The following TTC23L variants were observed in gnomAD, a reference collection of about 807,000 sequenced individuals.
TTC23L encodes tetratricopeptide repeat protein 23-like.
In TTC23L, 42 loss-of-function variants were observed where a neutral mutation model predicts 48.1. That is an observed-to-expected ratio of 0.87 (90% CI 0.68 to 1.13). The LOEUF (loss-of-function observed/expected upper bound fraction) is 1.13. Ranked by LOEUF, TTC23L falls within the 50% of genes most tolerant of loss-of-function variation. The pLI, the probability that TTC23L is intolerant of heterozygous loss-of-function variation, is 0.00. For missense variants in TTC23L, 391 were observed against 421.0 expected (o/e 0.93, Z 0.62); for synonymous variants, 159 against 157.2 (o/e 1.01, Z -0.09).
downstream of TTC23L, among the ~76,000 whole-genome samples, chr5:34,903,320 G>A (rs958062101): frequency 1.3e-5 from 2 of 152,054 alleles, no homozygotes; most frequent in African/African-American, 4.8e-5. Flanking sequence ...TTTTCCCAAA[G>A]GCATTTTTAG....
downstream of TTC23L, among the ~76,000 whole-genome samples, chr5:34,901,937 T>C (rs1763520573): frequency 6.6e-6 from 1 of 152,222 alleles, no homozygotes; most frequent in African/African-American, 2.4e-5. Flanking sequence ...AACAGAATAC[T>C]CACTGTGGTT....
In TTC23L at chr5:34,863,608, G is replaced by A. The variant is rs2150398280; in HGVS notation, c.536+554G>A. Among the ~76,000 whole-genome samples, 1 of 152,242 alleles carries A rather than the reference G, an allele frequency of 6.6e-6. No individual in the cohort carries two copies. The highest frequency in any genetic ancestry group is 2.1e-4 in the South Asian group (1 of 4,820). On this transcript the variant is annotated intron_variant, in intron 5 of 10. Coordinates refer to ENST00000505624, the Ensembl canonical transcript of TTC23L. The surrounding 1 kb of genome is among the most constrained non-coding windows in gnomAD (Gnocchi z 4.1). ...AAAACCACTGATTTAACTGATTCTC[G>A]ATCATTTTAGTTTTTTGAAATGCTC...
chr5:34,886,129 ATG>A (rs1762523552), intron 9 of TTC23L, among the ~76,000 whole-genome samples: 9 of 152,180 alleles, frequency 5.9e-5, no homozygotes, highest in Admixed American at 5.9e-4. Flanking sequence ...CATCTGTAAA[ATG>A]AGTATAATAA....
At chr5:34,841,873 ACATT>A (rs1342156391) in intron 2 of TTC23L, among the ~76,000 whole-genome samples, 3 of 152,170 alleles carry the variant, frequency 2.0e-5, no homozygotes, top group Non-Finnish European at 2.9e-5. Flanking sequence ...TGCACTGTTG[ACATT>A]GGGGTTGGAT....
chr5:34,922,177 A>T, the TTC23L span: 1 of 1,152,060 alleles, frequency 8.7e-7, no homozygotes. Flanking sequence ...GTTCTCATTT[A>T]TATTATCTAC....
At chr5:34,839,938 C>T (rs1184539560) in intron 1 of TTC23L, among the ~76,000 whole-genome samples, 1 of 152,324 alleles carries the variant, frequency 6.6e-6, no homozygotes, top group Non-Finnish European at 1.5e-5. Context: ...GACGGAGTCT[C>T]GCTCTGTCGC....
At chr5:34,898,705 G>A (rs1448478168) in intron 10 of TTC23L, among the ~76,000 whole-genome samples, 1 of 152,156 alleles carries the variant, frequency 6.6e-6, no homozygotes. Flanking sequence ...GAATGAGCCT[G>A]TCTTTAGTGC....
chr5:34,873,018 G>A (rs1034987327), intron 8 of TTC23L, among the ~76,000 whole-genome samples: 2 of 151,742 alleles, frequency 1.3e-5, no homozygotes, highest in East Asian at 1.9e-4. Context: ...AGCCGAGATC[G>A]CGCCATTGCA....
At chr5:34,856,504 A>G (rs969365021) in intron 4 of TTC23L, among the ~76,000 whole-genome samples, 1 of 152,186 alleles carries the variant, frequency 6.6e-6, no homozygotes, top group African/African-American at 2.4e-5. Context: ...TTGGGAGGAG[A>G]GAAGGAAAGG....
the TTC23L span, chr5:34,907,911 T>C: frequency 6.6e-6 from 1 of 152,156 alleles, no homozygotes; most frequent in Non-Finnish European, 1.5e-5. Flanking sequence ...AAAACAGTGG[T>C]TCCCAAAATT....
rs993669907 is a variant in TTC23L, at chr5:34,871,895, CA to C, written c.949+2891del. Reference sequence around the variant, plus strand: ...ACTGCAACAACTGGATACCACATGCCAAAAAAAAATTGGACTCTTACTCATG... The same window carrying C: ...ACTGCAACAACTGGATACCACATGCCAAAAAAAATTGGACTCTTACTCATG... On this transcript the variant is annotated intron_variant, in intron 8 of 10. Coordinates refer to ENST00000505624, the Ensembl canonical transcript of TTC23L. 5.4e-5 allele frequency among the ~76,000 whole-genome samples: 8 copies of C among 149,176 alleles called. No individual in the cohort carries two copies. In the East Asian group the frequency reaches 5.8e-4, roughly 11 times the overall value.
At chr5:34,843,466 C>T (rs1017491812) in intron 2 of TTC23L, among the ~76,000 whole-genome samples, 4 of 152,212 alleles carry the variant, frequency 2.6e-5, no homozygotes, top group Non-Finnish European at 5.9e-5. Flanking sequence ...CAATGTTTCT[C>T]ATTCCTTTGA....
At position 34,894,657 on chromosome 5, in the gene TTC23L, T is replaced by C. The variant is rs1212186827; in HGVS notation, c.1078-2113T>C. Among the ~76,000 whole-genome samples the C allele has an allele frequency of 2.6e-5, 4 of 152,208 alleles. No homozygotes were observed. In the South Asian group the frequency reaches 6.2e-4, roughly 24 times the overall value. On this transcript the variant is annotated intron_variant, in intron 9 of 10. Transcript: ENST00000505624. The stretch of plus-strand genomic sequence containing the variant: ...GAGAGTGCCATGTAGTGGTAAGGAA[T>C]GGACTAGTGCCAGATGGCCTGGGTT...
intron 9 of TTC23L, among the ~76,000 whole-genome samples, chr5:34,894,506 G>GAC (rs529464449): frequency 1.2e-3 from 180 of 152,242 alleles, no homozygotes; most frequent in African/African-American, 4.2e-3. Context: ...TTATCTCTAG[G>GAC]ACAGGATTAT....
rs560522131 is a variant in TTC23L, at chr5:34,864,958, CAT to C, written c.662+397_662+398del. Among the ~76,000 whole-genome samples, 711 of 152,282 alleles carry C rather than the reference CAT, an allele frequency of 4.7e-3. 3 individuals carry two copies. Among genetic ancestry groups the C allele is most frequent in the Middle Eastern group, 0.02 (6 of 294 alleles). On this transcript the variant is annotated intron_variant, in intron 6 of 10. Coordinates refer to ENST00000505624, the Ensembl canonical transcript of TTC23L. Reference sequence around the variant, plus strand: ...GAATTGCCACCTATTTTTGTCATGACATGTGACATTTTAGATGAAGGAACACT... The same window carrying C: ...GAATTGCCACCTATTTTTGTCATGACGTGACATTTTAGATGAAGGAACACT...
At chr5:34,873,861 C>T (rs1008794061) in intron 8 of TTC23L, among the ~76,000 whole-genome samples, 2 of 152,048 alleles carry the variant, frequency 1.3e-5, no homozygotes, top group Admixed American at 6.6e-5. Flanking sequence ...GGATGGGCGA[C>T]GTATAGGCTG....
chr5:34,844,471 T>A (rs1758950542), intron 2 of TTC23L, among the ~76,000 whole-genome samples: 1 of 148,064 alleles, frequency 6.8e-6, no homozygotes, highest in African/African-American at 2.5e-5. Flanking sequence ...AGGTTACACT[T>A]GGCAGTTATT....
intron 7 of TTC23L, 89 bp from the exon 8 acceptor site, chr5:34,868,816 A>G (rs754972107): frequency 4.6e-6 from 5 of 1,075,738 alleles, no homozygotes; most frequent in African/African-American, 1.6e-5. Flanking sequence ...AGGAAGTGGC[A>G]GAGCTGGGAC....
At chr5:34,910,344 A>G in the TTC23L span, among the ~76,000 whole-genome samples, 1 of 151,820 alleles carries the variant, frequency 6.6e-6, no homozygotes, top group Non-Finnish European at 1.5e-5. Flanking sequence ...AAGGTTTCCA[A>G]TTTCCATTTT....
Sources: gnomAD v4.1 joint callset for allele counts (sites outside exome capture counted in the v4.1 genomes callset) on GRCh38, gnomAD v4.1.1 for gene constraint, Gnocchi (gnomAD v3.1) non-coding constraint, MANE v1.5 for transcripts, NCBI Gene and HGNC (gene_info 2026-07-23, HGNC 2026-07-21) for gene names.